TRMT10B: variants seen among roughly 807,000 people sequenced by gnomAD.
TRMT10B encodes the protein tRNA methyltransferase 10B.
TRMT10B carries 33 observed loss-of-function variants against 43.8 expected under a neutral mutation model. That is an observed-to-expected ratio of 0.75 (90% CI 0.57 to 1.01). The LOEUF (loss-of-function observed/expected upper bound fraction) is 1.01, where lower values mean the gene tolerates loss of function less well. TRMT10B is among the 50% of genes least tolerant of loss of function. The pLI is 0.00. For missense variants in TRMT10B, 362 were observed against 369.8 expected (o/e 0.98, Z 0.17); for synonymous variants, 137 against 130.6 (o/e 1.05, Z -0.34).
chr9:37,753,516 CA>C (rs1825193292), upstream of TRMT10B, among the ~76,000 whole-genome samples: 2 of 119,180 alleles, frequency 1.7e-5, no homozygotes, highest in East Asian at 4.5e-4. Context: ...TCACACACCC[CA>C]GTTTCGCAAT....
intron 8 of TRMT10B, among the ~76,000 whole-genome samples, chr9:37,777,101 A>G (rs961283276): frequency 2.1e-5 from 3 of 144,046 alleles, no homozygotes; most frequent in Non-Finnish European, 3.0e-5. Flanking sequence ...GGCTGAGGCA[A>G]GAGAATTGCT....
intron 1 of TRMT10B, among the ~76,000 whole-genome samples, chr9:37,754,638 G>A (rs1167420422): frequency 1.3e-5 from 2 of 152,262 alleles, no homozygotes; most frequent in East Asian, 1.9e-4. Flanking sequence ...CAGGTAGACA[G>A]CTGTCATGCA....
intron 4 of TRMT10B, chr9:37,767,005 A>G (rs1827048203): frequency 6.6e-6 from 1 of 152,188 alleles, no homozygotes; most frequent in African/African-American, 2.4e-5. Context: ...AGGCTATTTG[A>G]AGTATTCCCA....
chr9:37,767,595 C>T (rs989020982), intron 4 of TRMT10B: 1 of 147,706 alleles, frequency 6.8e-6, no homozygotes, highest in African/African-American at 2.5e-5. Context: ...TTCTCCTACC[C>T]AACAAATCAA....
At chr9:37,772,159 G>A (rs972554026) in intron 7 of TRMT10B, among the ~76,000 whole-genome samples, 1 of 152,114 alleles carries the variant, frequency 6.6e-6, no homozygotes, top group Non-Finnish European at 1.5e-5. Flanking sequence ...CTACAAGTGT[G>A]TGCCACCATG....
At position 37,761,960 on chromosome 9, in the gene TRMT10B, A is replaced by G; in HGVS notation, c.29A>G (p.Gln10Arg). 6.2e-7 allele frequency: 1 copy of G among 1,613,778 alleles called. No homozygotes were observed. The change falls in exon 2 of 9, where the codon CAG becomes CGG. Residue 10 changes from glutamine to arginine, a missense_variant. Physicochemically the swap from Gln to Arg is conservative, Grantham distance 43. Transcript: ENST00000297994. Reference sequence around the variant, plus strand: ...GACTGGAAATTGGAAGGGAGTACTCAGAAAGTAGAGTCACCTGTGCTGCAG... The same window carrying G: ...GACTGGAAATTGGAAGGGAGTACTCGGAAAGTAGAGTCACCTGTGCTGCAG... MDWKLEGST[Q>R]KVESPVLQGQ...
intron 7 of TRMT10B, 109 bp downstream of exon 7, chr9:37,770,848 C>A: frequency 2.5e-6 from 3 of 1,181,112 alleles, no homozygotes; most frequent in South Asian, 3.3e-5. Flanking sequence ...TCAGAGGGAA[C>A]AGGAAGAAAG....
chr9:37,757,606 CTGG>C (rs955114227), intron 1 of TRMT10B, among the ~76,000 whole-genome samples: 1 of 152,142 alleles, frequency 6.6e-6, no homozygotes, highest in Admixed American at 6.5e-5. Context: ...AGGAATATAT[CTGG>C]TGGTCACATG....
chr9:37,762,959 C>G (rs1019998194), intron 3 of TRMT10B, among the ~76,000 whole-genome samples: 3 of 144,556 alleles, frequency 2.1e-5, no homozygotes, highest in Non-Finnish European at 4.5e-5. Context: ...CGGTGAAACC[C>G]CATCTCTACT....
intron 7 of TRMT10B, among the ~76,000 whole-genome samples, chr9:37,773,668 T>C (rs1197614393): frequency 6.6e-6 from 1 of 152,108 alleles, no homozygotes. Flanking sequence ...ACCCTGTCTC[T>C]ACTAAAAACA....
chr9:37,762,962 T>C (rs373030175), intron 3 of TRMT10B, among the ~76,000 whole-genome samples: 1 of 132,450 alleles, frequency 7.6e-6, no homozygotes, highest in Non-Finnish European at 1.6e-5. Flanking sequence ...TGAAACCCCA[T>C]CTCTACTAAA....
intron 1 of TRMT10B, among the ~76,000 whole-genome samples, chr9:37,755,169 A>G (rs568460382): frequency 9.3e-4 from 141 of 152,054 alleles, no homozygotes; most frequent in Non-Finnish European, 1.4e-3. Flanking sequence ...CTACTCAGGA[A>G]GCTGAGGCAG....
chr9:37,762,470 C>A (rs1826454831), intron 2 of TRMT10B, 107 bp from the exon 3 acceptor site: 1 of 1,439,532 alleles, frequency 6.9e-7, no homozygotes, highest in Admixed American at 2.8e-5. Flanking sequence ...CTCTTTCTCT[C>A]CAAACTATAT....
intron 7 of TRMT10B, among the ~76,000 whole-genome samples, chr9:37,774,945 A>G (rs141847131): frequency 9.2e-5 from 14 of 152,354 alleles, no homozygotes; most frequent in Non-Finnish European, 1.6e-4. Flanking sequence ...TGAGGCTACA[A>G]TCTGGAGACT....
chr9:37,776,725 C>A (rs1346364186), intron 8 of TRMT10B, among the ~76,000 whole-genome samples: 1 of 151,850 alleles, frequency 6.6e-6, no homozygotes, highest in Non-Finnish European at 1.5e-5. Flanking sequence ...CATGGTGAAA[C>A]CCCATCTCTA....
chr9:37,763,714 A>G lies in TRMT10B; in HGVS notation c.381A>G (p.Leu127=), dbSNP rs1471089574. 1.7e-5 allele frequency: 28 copies of G among 1,614,124 alleles called. No homozygotes were observed. The highest frequency in any genetic ancestry group is 2.2e-5 in the East Asian group (1 of 44,872). ...AAGCCAAACACTCAGGACCAAGACTATGTATCGATTTGAGTATGACCCACT... is the reference window on the plus strand; with the variant it reads ...AAGCCAAACACTCAGGACCAAGACTGTGTATCGATTTGAGTATGACCCACT... ...LLEAKHSGPR[L]CIDLSMTHYM... The change falls in exon 4 of 9, where the codon CTA becomes CTG. Residue 127 remains leucine, a synonymous_variant. Coordinates refer to ENST00000297994, the MANE Select transcript of TRMT10B (RefSeq NM_144964.4).
Position 37,768,232 on chromosome 9 carries a change from A to G in TRMT10B, c.573+4A>G, listed in dbSNP as rs1282180412. 1.9e-6 allele frequency: 3 copies of G among 1,607,722 alleles called. No homozygotes were observed. The highest frequency in any genetic ancestry group is 2.6e-6 in the Non-Finnish European group (3 of 1,176,334). ...TGATGGATTTTCTAGTTACCTGGTA[A>G]GTCTCTTTTTGCATATTATTTGAAT... On this transcript the variant is annotated splice_donor_region_variant and intron_variant, in intron 5 of 8. Transcript: ENST00000297994.
chr9:37,762,043 C>G lies in TRMT10B; in HGVS notation c.112C>G (p.Leu38Val), dbSNP rs1364720843. ...AGATGGACTTCCTGAAGGCTTCCAG[C>G]TTCTGCAGATCGATGCGGAAGGCGA... ...GEDGLPEGFQ[L>V]LQIDAEGECQ... Residue 38 changes from leucine (L) to valine (V), a missense_variant, in exon 2 of 9, where the codon CTT becomes GTT. Physicochemically the swap from Leu to Val is conservative, Grantham distance 32. Coordinates refer to ENST00000297994, the MANE Select transcript of TRMT10B (RefSeq NM_144964.4). 1.2e-6 allele frequency: 2 copies of G among 1,614,156 alleles called. No homozygotes were observed. Among genetic ancestry groups the G allele is most frequent in the Non-Finnish European group, 1.7e-6 (2 of 1,180,012 alleles).
rs1022363540 is a variant in TRMT10B at position 37,778,146 on chromosome 9, G to C, written c.*439G>C. 1 of 162,580 alleles carries C rather than the reference G, an allele frequency of 6.2e-6. No individual in the cohort carries two copies. Among genetic ancestry groups the C allele is most frequent in the Admixed American group, 6.1e-5 (1 of 16,352 alleles). The allele number at this position is 162,580 out of a possible 1,614,324, so 10.1% of individuals were successfully genotyped here. ...CATCTTCTCAGAGCTTCACAATAAT[G>C]TCAGGGACCACATTTAATGCTTTTT... On this transcript the variant is annotated 3_prime_UTR_variant, in exon 9 of 9. Coordinates refer to ENST00000297994, the MANE Select transcript of TRMT10B (RefSeq NM_144964.4).
Sources: allele counts gnomAD v4.1 joint callset (sites outside exome capture counted in the v4.1 genomes callset), GRCh38; gene constraint gnomAD v4.1.1; transcripts MANE v1.5; gene names NCBI Gene and HGNC (gene_info 2026-07-23, HGNC 2026-07-21).